Variants in SLIT2 observed in about 807,000 individuals in gnomAD.
SLIT2 encodes slit homolog 2 protein.
Under a neutral mutation model 185.7 loss-of-function variants are expected in SLIT2, and 41 were observed. The ratio of observed to expected loss-of-function variants is 0.22; its 90% confidence interval spans 0.17 to 0.29. SLIT2 has a LOEUF of 0.29. Among genes scored for constraint, SLIT2 ranks in the 10% least tolerant of loss-of-function variants. SLIT2 has a pLI of 1.00. For missense variants in SLIT2, 1,571 were observed against 1,909.0 expected (o/e 0.82, Z 3.30); for synonymous variants, 693 against 680.2 (o/e 1.02, Z -0.29).
intron 33 of SLIT2, among the ~76,000 whole-genome samples, chr4:20,604,494 C>T (rs992850644): frequency 3.9e-5 from 6 of 151,908 alleles, no homozygotes; most frequent in African/African-American, 1.2e-4. Context: ...GGACTACAGG[C>T]GCTCACCCCT....
Position 20,456,779 on chromosome 4 carries a change from A to T in SLIT2, c.396-10973A>T, listed in dbSNP as rs58766836. 8.2e-3 allele frequency among the ~76,000 whole-genome samples: 1,254 copies of T among 152,244 alleles called. 22 individuals are homozygous for T. Among genetic ancestry groups the T allele is most frequent in the African/African-American group, 0.027 (1,110 of 41,568 alleles). On this transcript the variant is annotated intron_variant, in intron 4 of 36. Coordinates refer to ENST00000504154, the MANE Select transcript of SLIT2 (RefSeq NM_004787.4). ...TCCCTGGACACAGTATTGAGAGAAT[A>T]AAAGGATTTTAAAGTCCATCAGCCA... is the stretch of plus-strand genomic sequence containing the variant.
intron 5 of SLIT2, among the ~76,000 whole-genome samples, chr4:20,478,662 C>A (rs1021532237): frequency 1.3e-5 from 2 of 152,158 alleles, no homozygotes; most frequent in East Asian, 1.9e-4. Context: ...AACCTGGAGA[C>A]TGCATTAGGC....
At chr4:20,357,603 G>T (rs970274243) in intron 4 of SLIT2, among the ~76,000 whole-genome samples, 25 of 152,184 alleles carry the variant, frequency 1.6e-4, no homozygotes, top group South Asian at 1.4e-3. Flanking sequence ...GTAGTAGGTA[G>T]TAGGTAGTCT....
At chr4:20,477,144 A>C in intron 5 of SLIT2, among the ~76,000 whole-genome samples, 1 of 107,520 alleles carries the variant, frequency 9.3e-6, no homozygotes. Context: ...CAGAAGATAT[A>C]CCTCCTACCA....
intron 29 of SLIT2, among the ~76,000 whole-genome samples, chr4:20,585,204 A>T (rs1406130670): frequency 3.9e-5 from 6 of 152,226 alleles, no homozygotes; most frequent in Non-Finnish European, 8.8e-5. Flanking sequence ...GTTACAGTAG[A>T]TCATTTACTA....
chr4:20,486,393 T>A (rs1717240914), intron 7 of SLIT2, 122 bp downstream of exon 7: 1 of 621,886 alleles, frequency 1.6e-6, no homozygotes, highest in African/African-American at 1.9e-5. Context: ...AAACCCAACT[T>A]TGGAAAAGAC....
At chr4:20,563,328 A>G (rs1026301291) in intron 26 of SLIT2, among the ~76,000 whole-genome samples, 1 of 151,834 alleles carries the variant, frequency 6.6e-6, no homozygotes, top group African/African-American at 2.4e-5. Flanking sequence ...CGTGGCACAC[A>G]TCTCATGAAA....
At chr4:20,265,460 C>T (rs575410605) in intron 3 of SLIT2, among the ~76,000 whole-genome samples, 3 of 151,896 alleles carry the variant, frequency 2.0e-5, no homozygotes, top group African/African-American at 4.8e-5. Flanking sequence ...AAAAGGGAAA[C>T]GTATACTGTT....
At chr4:20,419,538 G>T (rs1441914596) in intron 4 of SLIT2, among the ~76,000 whole-genome samples, 2 of 152,066 alleles carry the variant, frequency 1.3e-5, no homozygotes, top group Non-Finnish European at 2.9e-5. Flanking sequence ...TCCAACCTCA[G>T]ATTTTCTCTT....
intron 30 of SLIT2, among the ~76,000 whole-genome samples, chr4:20,590,665 G>A (rs1005373099): frequency 3.1e-4 from 47 of 152,168 alleles, no homozygotes; most frequent in Admixed American, 3.9e-4. Context: ...TTCCTCCCCA[G>A]CAATATTCCT....
chr4:20,448,972 G>C (rs958889394), intron 4 of SLIT2, among the ~76,000 whole-genome samples: 1 of 152,142 alleles, frequency 6.6e-6, no homozygotes, highest in South Asian at 2.1e-4. Context: ...TCTACTTCAA[G>C]AGTGACAGGA....
chr4:20,488,194 C>T (rs571437125), intron 7 of SLIT2, among the ~76,000 whole-genome samples: 16 of 152,214 alleles, frequency 1.1e-4, no homozygotes, highest in African/African-American at 3.1e-4. Flanking sequence ...GACATTTGTG[C>T]CTTTTAATTT....
intron 4 of SLIT2, among the ~76,000 whole-genome samples, chr4:20,361,906 A>T (rs73238754): frequency 0.21 from 32,471 of 151,928 alleles, 3,759 homozygotes; most frequent in Non-Finnish European, 0.27. Context: ...TATGTCCTAA[A>T]TTTTTTTTAA....
At chr4:20,448,222 T>C (rs913430888) in intron 4 of SLIT2, among the ~76,000 whole-genome samples, 1 of 152,208 alleles carries the variant, frequency 6.6e-6, no homozygotes, top group South Asian at 2.1e-4. Flanking sequence ...CTAAATATAC[T>C]GATTGTGTGT....
chr4:20,415,098 T>C (rs1727545045), intron 4 of SLIT2, among the ~76,000 whole-genome samples: 1 of 152,322 alleles, frequency 6.6e-6, no homozygotes, highest in Admixed American at 6.5e-5. Flanking sequence ...GAAGGAAATA[T>C]TTTGTTTCAG....
intron 4 of SLIT2, among the ~76,000 whole-genome samples, chr4:20,395,646 C>A (rs1725832112): frequency 6.6e-6 from 1 of 151,862 alleles, no homozygotes; most frequent in Non-Finnish European, 1.5e-5. Flanking sequence ...GGGCAAAATG[C>A]AAATAAAATA....
intron 30 of SLIT2, among the ~76,000 whole-genome samples, chr4:20,594,183 G>T (rs1406722848): frequency 6.7e-6 from 1 of 148,700 alleles, no homozygotes; most frequent in African/African-American, 2.5e-5. Flanking sequence ...GTATGTACAT[G>T]TGTGTATATA....
intron 11 of SLIT2, among the ~76,000 whole-genome samples, chr4:20,511,736 T>TA (rs1719776871): frequency 6.6e-6 from 1 of 151,716 alleles, no homozygotes; most frequent in Non-Finnish European, 1.5e-5. Context: ...CCCATTTTTT[T>TA]ATTTCTAAAA....
rs77079325 is a variant in SLIT2, at chr4:20,466,063, G to A, written c.396-1689G>A. ...AGAAACACTACTAAATGGTTTTTAG[G>A]AGGCATTGTAAACAGATTCAAATTT... is the stretch of plus-strand genomic sequence containing the variant. On this transcript the variant is annotated intron_variant, in intron 4 of 36. Coordinates refer to ENST00000504154, the MANE Select transcript of SLIT2 (RefSeq NM_004787.4). Among the ~76,000 whole-genome samples the A allele has an allele frequency of 9.4e-3, 1,433 of 152,096 alleles. 11 individuals carry two copies. Among genetic ancestry groups the A allele is most frequent in the Non-Finnish European group, 0.015 (1,050 of 68,014 alleles).
Sources: gnomAD v4.1 joint callset for allele counts (sites outside exome capture counted in the v4.1 genomes callset) on GRCh38, gnomAD v4.1.1 for gene constraint, MANE v1.5 for transcripts, NCBI Gene and HGNC (gene_info 2026-07-23, HGNC 2026-07-21) for gene names.